Variants in TMEM132C observed in about 807,000 individuals in gnomAD.
The protein encoded by TMEM132C is protein phosphatase 1, regulatory subunit 152.
Under a neutral mutation model 61.4 loss-of-function variants are expected in TMEM132C, and 29 were observed. The observed-to-expected ratio is 0.47, with a 90% CI of 0.35 to 0.64. The LOEUF (loss-of-function observed/expected upper bound fraction) is 0.64, where lower values mean the gene tolerates loss of function less well. TMEM132C is among the 30% of genes least tolerant of loss of function. The pLI, the probability that TMEM132C is intolerant of heterozygous loss-of-function variation, is 0.00. For synonymous variants in TMEM132C, 656 were observed against 633.1 expected (o/e 1.04, Z -0.54); for missense variants, 1,408 against 1,476.9 (o/e 0.95, Z 0.76).
chr12:128,610,527 T>G (rs7296262), intron 3 of TMEM132C, among the ~76,000 whole-genome samples: 1 of 150,824 alleles, frequency 6.6e-6, no homozygotes, highest in Admixed American at 6.6e-5. Context: ...CAAGAGTTAC[T>G]GCAAGAAATC....
chr12:128,395,406 A>C (rs1874914382), intron 1 of TMEM132C, among the ~76,000 whole-genome samples: 1 of 152,182 alleles, frequency 6.6e-6, no homozygotes, highest in Admixed American at 6.5e-5. Flanking sequence ...AGAATACTAA[A>C]TTTGTTGGAG....
chr12:128,665,621 G>GCGCA (rs1555241551), intron 4 of TMEM132C, among the ~76,000 whole-genome samples: 20,854 of 120,192 alleles, frequency 0.17, 1,926 homozygotes, highest in South Asian at 0.32. Flanking sequence ...CCAAACACAG[G>GCGCA]CACACACACA....
rs532867205 is a variant in TMEM132C, at chr12:128,604,513, T to G, written c.1122-11639T>G. Among the ~76,000 whole-genome samples, 4 of 149,394 alleles carry G rather than the reference T, an allele frequency of 2.7e-5. No homozygotes were observed. The South Asian group carries it at 8.7e-4, about 33-fold the overall frequency. ...ATAGAGGGATAGACAGATGGCTAGATAGATAAATAATGGATGGAAGATAGA... is the reference window on the plus strand; with the variant it reads ...ATAGAGGGATAGACAGATGGCTAGAGAGATAAATAATGGATGGAAGATAGA... On this transcript the variant is annotated intron_variant, in intron 3 of 8. Coordinates refer to ENST00000435159, the MANE Select transcript of TMEM132C (RefSeq NM_001136103.3).
At chr12:128,569,211 T>C (rs985352022) in intron 3 of TMEM132C, among the ~76,000 whole-genome samples, 4 of 152,128 alleles carry the variant, frequency 2.6e-5, no homozygotes, top group African/African-American at 9.7e-5. Flanking sequence ...TGGGACCGAA[T>C]TGGGAGTCTC....
intron 4 of TMEM132C, among the ~76,000 whole-genome samples, chr12:128,649,524 C>A (rs190618859): frequency 7.6e-4 from 116 of 152,352 alleles, no homozygotes; most frequent in African/African-American, 2.6e-3. Flanking sequence ...GCCACTTTCA[C>A]CTCTTTCATA....
chr12:128,683,473 A>C (rs537576599), intron 5 of TMEM132C, among the ~76,000 whole-genome samples: 2 of 152,280 alleles, frequency 1.3e-5, no homozygotes, highest in East Asian at 3.9e-4. Context: ...AGTGTAAGTG[A>C]GAGGTTAAGT....
chr12:128,352,457 A>G (rs1381367361), intron 1 of TMEM132C, among the ~76,000 whole-genome samples: 2 of 152,208 alleles, frequency 1.3e-5, no homozygotes, highest in Non-Finnish European at 2.9e-5. Context: ...GGGAACTACA[A>G]TTCAAGATGA....
intron 2 of TMEM132C, among the ~76,000 whole-genome samples, chr12:128,427,566 A>G (rs548026527): frequency 6.6e-6 from 1 of 152,190 alleles, no homozygotes; most frequent in African/African-American, 2.4e-5. Context: ...CACTTCCCCC[A>G]GGGCTGGATC....
At chr12:128,583,009 C>G (rs1390800970) in intron 3 of TMEM132C, among the ~76,000 whole-genome samples, 1 of 152,174 alleles carries the variant, frequency 6.6e-6, no homozygotes. Context: ...CTTTATGGAA[C>G]AGCAGTTCCA....
intron 5 of TMEM132C, among the ~76,000 whole-genome samples, chr12:128,684,653 A>C (rs2135643392): frequency 6.6e-6 from 1 of 152,370 alleles, no homozygotes; most frequent in Admixed American, 6.5e-5. Context: ...GTGATTTATC[A>C]CAGAACAAAT....
At chr12:128,561,710 A>C (rs1418740936) in intron 3 of TMEM132C, among the ~76,000 whole-genome samples, 33 of 152,338 alleles carry the variant, frequency 2.2e-4, no homozygotes, top group Non-Finnish European at 1.5e-5. Flanking sequence ...CACATAAAGA[A>C]GTGTATGACT....
chr12:128,438,774 C>G (rs982087525), intron 2 of TMEM132C: 1 of 152,180 alleles, frequency 6.6e-6, no homozygotes, highest in Admixed American at 6.5e-5. Context: ...TCCTGTCTCC[C>G]CAAAGCCTCT....
At chr12:128,653,884 G>A (rs1954298117) in intron 4 of TMEM132C, among the ~76,000 whole-genome samples, 1 of 152,150 alleles carries the variant, frequency 6.6e-6, no homozygotes. Flanking sequence ...GCACACTGGG[G>A]GGCTTGGCTG....
rs1475512281 is a variant in TMEM132C at position 128,267,274 on chromosome 12, G to T, written c.-129G>T. ...ACCCGGCAGGGGCGGGCCTCGGACA[G>T]CAGAGACGCAGCGGGCCCGGCCGAC... On this transcript the variant is annotated 5_prime_UTR_variant, in exon 1 of 9. Transcript: ENST00000435159. The T allele has an allele frequency of 1.3e-5, 6 of 447,046 alleles. No individual in the cohort carries two copies. The highest frequency in any genetic ancestry group is 3.2e-4 in the East Asian group (2 of 6,278). 27.7% of individuals were successfully genotyped at this position (447,046 alleles called of 1,614,324 possible).
chr12:128,590,474 G>A (rs911168605), intron 3 of TMEM132C, among the ~76,000 whole-genome samples: 9 of 152,214 alleles, frequency 5.9e-5, no homozygotes, highest in African/African-American at 1.7e-4. Flanking sequence ...AAACTGTGGC[G>A]TAACGTAGCT....
At chr12:128,481,641 C>T (rs573198309) in intron 2 of TMEM132C, among the ~76,000 whole-genome samples, 2 of 152,238 alleles carry the variant, frequency 1.3e-5, no homozygotes, top group South Asian at 2.1e-4. Flanking sequence ...CCCTAGCCGT[C>T]GGATTCTGGA....
intron 3 of TMEM132C, among the ~76,000 whole-genome samples, chr12:128,575,333 G>C (rs1253357240): frequency 6.6e-6 from 1 of 152,154 alleles, no homozygotes; most frequent in Non-Finnish European, 1.5e-5. Flanking sequence ...ACAAAAATTA[G>C]CTGGACATGA....
At chr12:128,396,679 A>G (rs1874969362) in intron 1 of TMEM132C, among the ~76,000 whole-genome samples, 1 of 151,986 alleles carries the variant, frequency 6.6e-6, no homozygotes. Flanking sequence ...TGGTCCCAAG[A>G]GGAGTGTGCT....
intron 8 of TMEM132C, among the ~76,000 whole-genome samples, chr12:128,703,077 C>T (rs1462048296): frequency 6.6e-6 from 1 of 152,178 alleles, no homozygotes; most frequent in Admixed American, 6.5e-5. Context: ...AGCTCTAAAG[C>T]CACAGCAGTT....
Sources: allele counts gnomAD v4.1 joint callset (sites outside exome capture counted in the v4.1 genomes callset), GRCh38; gene constraint gnomAD v4.1.1; transcripts MANE v1.5; gene names NCBI Gene and HGNC (gene_info 2026-07-23, HGNC 2026-07-21).